FNDC3B: variants seen among roughly 807,000 people sequenced by gnomAD.
FNDC3B encodes the protein fibronectin type III domain-containing protein 3B.
In FNDC3B, 12 loss-of-function variants were observed where a neutral mutation model predicts 151.5. The observed-to-expected ratio is 0.08, with a 90% confidence interval of 0.05 to 0.13. The LOEUF (loss-of-function observed/expected upper bound fraction) is 0.13. Among genes scored for constraint, FNDC3B ranks in the 10% least tolerant of loss-of-function variants. The pLI, the probability that FNDC3B is intolerant of heterozygous loss-of-function variation, is 1.00. For synonymous variants in FNDC3B, 528 were observed against 549.0 expected, an observed-to-expected ratio of 0.96 and a Z score of 0.54; for missense variants, 1,214 against 1,505.3, an observed-to-expected ratio of 0.81 and a Z score of 3.20.
chr3:172,298,682 CT>C (rs1730757938), intron 8 of FNDC3B, 45 bp from the exon 9 acceptor site: 1 of 1,437,576 alleles, frequency 7.0e-7, no homozygotes, highest in Admixed American at 1.8e-5. Context: ...ATCTCGTTTG[CT>C]TTTGAAACTG....
At chr3:172,117,030 TG>T (rs1559973684) in intron 2 of FNDC3B, among the ~76,000 whole-genome samples, 1 of 152,270 alleles carries the variant, frequency 6.6e-6, no homozygotes, top group African/African-American at 2.4e-5. Context: ...TTATGAATAA[TG>T]CTGCTATGCA....
chr3:172,131,934 A>G (rs1721127240), intron 2 of FNDC3B, among the ~76,000 whole-genome samples: 1 of 152,180 alleles, frequency 6.6e-6, no homozygotes, highest in South Asian at 2.1e-4. Flanking sequence ...TTGAGCACAT[A>G]ACTTATTCTA....
intron 4 of FNDC3B, among the ~76,000 whole-genome samples, chr3:172,241,614 G>A (rs962589864): frequency 3.3e-5 from 5 of 150,898 alleles, no homozygotes; most frequent in Non-Finnish European, 5.9e-5. Flanking sequence ...CAAAACCATC[G>A]GATCTCATGA....
At chr3:172,394,092 A>C (rs569130404) in intron 25 of FNDC3B, among the ~76,000 whole-genome samples, 1 of 119,910 alleles carries the variant, frequency 8.3e-6, no homozygotes, top group Admixed American at 1.0e-4. Flanking sequence ...TGGGTGACAG[A>C]GTGAGACTCC....
chr3:172,259,281 T>C (rs1226302680), intron 6 of FNDC3B, among the ~76,000 whole-genome samples: 2 of 152,204 alleles, frequency 1.3e-5, no homozygotes, highest in Non-Finnish European at 2.9e-5. Context: ...ACCCCTGGAT[T>C]AGAATGCAAG....
At chr3:172,087,277 C>G (rs2108506015) in intron 1 of FNDC3B, among the ~76,000 whole-genome samples, 1 of 152,196 alleles carries the variant, frequency 6.6e-6, no homozygotes, top group East Asian at 1.9e-4. Flanking sequence ...TTTTCTTCTG[C>G]TGTTGGTCTT....
At chr3:172,214,539 A>T (rs1725882878) in intron 3 of FNDC3B, among the ~76,000 whole-genome samples, 1 of 28,892 alleles carries the variant, frequency 3.5e-5, no homozygotes. Context: ...ATAAGCTATG[A>T]CTCTGTTTTA....
At chr3:172,360,770 T>C (rs1734316457) in intron 22 of FNDC3B, among the ~76,000 whole-genome samples, 1 of 151,964 alleles carries the variant, frequency 6.6e-6, no homozygotes. Flanking sequence ...GGAGTCTCTA[T>C]TCTCTTGTAT....
At chr3:172,048,602 T>C (rs74813645) in intron 1 of FNDC3B, among the ~76,000 whole-genome samples, 1 of 152,342 alleles carries the variant, frequency 6.6e-6, no homozygotes, top group East Asian at 1.9e-4. Context: ...TCCATTCCTA[T>C]TCCTATACGC....
At chr3:172,357,718 C>T (rs1019430219) in intron 22 of FNDC3B, among the ~76,000 whole-genome samples, 1 of 152,084 alleles carries the variant, frequency 6.6e-6, no homozygotes, top group Non-Finnish European at 1.5e-5. Context: ...CATTTCATTC[C>T]ATTTTATCAG....
At chr3:172,358,470 G>A (rs1013594697) in intron 22 of FNDC3B, among the ~76,000 whole-genome samples, 5 of 152,154 alleles carry the variant, frequency 3.3e-5, no homozygotes, top group African/African-American at 1.2e-4. Context: ...ACCTTGCTGC[G>A]GATGGCCTAG....
intron 22 of FNDC3B, among the ~76,000 whole-genome samples, chr3:172,359,005 GTGGTGGTGGTGGTGA>G (rs1560098655): frequency 2.2e-5 from 3 of 139,518 alleles, no homozygotes; most frequent in Non-Finnish European, 3.2e-5. Flanking sequence ...GGTGGTGGTG[GTGGTGGTGGTGGTGA>G]TGGTGGCGGT....
chr3:172,349,862 G>A (rs1226201327), intron 21 of FNDC3B, among the ~76,000 whole-genome samples: 1 of 151,990 alleles, frequency 6.6e-6, no homozygotes, highest in East Asian at 1.9e-4. Context: ...CACCAGGTTG[G>A]CCAGGCTGGT....
intron 3 of FNDC3B, among the ~76,000 whole-genome samples, chr3:172,210,780 G>C (rs1340619990): frequency 2.0e-5 from 3 of 152,226 alleles, no homozygotes; most frequent in Non-Finnish European, 1.5e-5. Context: ...TAAGGTTTTA[G>C]GGAAGCAAAT....
chr3:172,178,375 AG>A lies in FNDC3B; in HGVS notation c.187+44830del, dbSNP rs369976824. Among the ~76,000 whole-genome samples the A allele has an allele frequency of 6.3e-4, 96 of 152,292 alleles. No individual in the cohort carries two copies. In the South Asian group the frequency reaches 0.019, roughly 30 times the overall value. On this transcript the variant is annotated intron_variant, in intron 3 of 25. Transcript: ENST00000415807. ...AATTTAAGGCCTAGGAGACATTTGT[AG>A]CAAGCTGGTTGCTGTCACCGAGAGC...
intron 2 of FNDC3B, among the ~76,000 whole-genome samples, chr3:172,132,743 A>G (rs1721167720): frequency 6.6e-6 from 1 of 152,144 alleles, no homozygotes. Context: ...ACTTGTATTT[A>G]GATATCAATT....
At chr3:172,354,870 T>C (rs77423525) in intron 22 of FNDC3B, among the ~76,000 whole-genome samples, 2 of 133,652 alleles carry the variant, frequency 1.5e-5, no homozygotes, top group Non-Finnish European at 3.1e-5. Context: ...TTTGATTTTC[T>C]TTTTTTTTTT....
intron 1 of FNDC3B, among the ~76,000 whole-genome samples, chr3:172,052,730 T>A (rs1436182492): frequency 6.6e-6 from 1 of 152,144 alleles, no homozygotes; most frequent in Non-Finnish European, 1.5e-5. Context: ...TTCAGGTGAA[T>A]TATATGATCA....
At chr3:172,133,236 A>T (rs2108573147) in intron 2 of FNDC3B, among the ~76,000 whole-genome samples, 1 of 152,328 alleles carries the variant, frequency 6.6e-6, no homozygotes, top group East Asian at 1.9e-4. Context: ...CTTCAAATGG[A>T]GTTTTTAAAG....
Sources: gnomAD v4.1 joint callset for allele counts (sites outside exome capture counted in the v4.1 genomes callset) on GRCh38, gnomAD v4.1.1 for gene constraint, MANE v1.5 for transcripts, NCBI Gene and HGNC (gene_info 2026-07-23, HGNC 2026-07-21) for gene names.